The following EIF2AK4 variants were observed in gnomAD, a reference collection of about 807,000 sequenced individuals.
EIF2AK4 encodes the protein eIF-2-alpha kinase GCN2.
A neutral mutation model predicts 211.1 loss-of-function variants in EIF2AK4; 139 were observed. The observed-to-expected ratio is 0.66, with a 90% CI of 0.57 to 0.76. The LOEUF (loss-of-function observed/expected upper bound fraction) is 0.76. EIF2AK4 is among the 30% of genes least tolerant of loss of function. The probability of loss-of-function intolerance (pLI) is 0.00; values close to 1 mark genes in which losing one functional copy is unlikely to be tolerated. For missense variants in EIF2AK4, 1,664 were observed against 2,043.8 expected, an observed-to-expected ratio of 0.81 and a Z score of 3.58; for synonymous variants, 710 against 751.3, an observed-to-expected ratio of 0.94 and a Z score of 0.90.
Position 40,034,515 on chromosome 15 carries a change from T to C in EIF2AK4, c.4892+71T>C, listed in dbSNP as rs951500068. 5.8e-6 allele frequency: 7 copies of C among 1,212,340 alleles called. No homozygotes were observed. The African/African-American group carries it at 6.0e-5, about 10-fold the overall frequency. The allele number at this position is 1,212,340 out of a possible 1,614,324, so 75.1% of individuals were successfully genotyped here. ...AGGGCGGGGGGTTTCAGAGTGACAT[T>C]ATTTTGTTGTCTTGTTGAGGTTTGA... On this transcript the variant is annotated intron_variant, in intron 38 of 38. Coordinates refer to ENST00000263791, the MANE Select transcript of EIF2AK4 (RefSeq NM_001013703.4).
intron 4 of EIF2AK4, among the ~76,000 whole-genome samples, chr15:39,953,262 T>C (rs1451527379): frequency 6.6e-6 from 1 of 152,250 alleles, no homozygotes; most frequent in Non-Finnish European, 1.5e-5. Context: ...CCTATAAGTT[T>C]GGGGTGTGTT....
intron 13 of EIF2AK4, among the ~76,000 whole-genome samples, chr15:39,983,453 T>C (rs1172260257): frequency 6.6e-6 from 1 of 152,216 alleles, no homozygotes. Flanking sequence ...TAGCCTTTTT[T>C]TTTTTTGAGA....
chr15:40,007,484 A>G (rs563278901), intron 24 of EIF2AK4, among the ~76,000 whole-genome samples: 4 of 152,328 alleles, frequency 2.6e-5, no homozygotes, highest in African/African-American at 9.6e-5. Flanking sequence ...AGCTGCTTGT[A>G]GAGAAGTGGA....
At position 39,970,287 on chromosome 15, in the gene EIF2AK4, C is replaced by A. The variant is rs544598710; in HGVS notation, c.1553+2408C>A. On this transcript the variant is annotated intron_variant, in intron 9 of 38. Transcript: ENST00000263791. ...AAGTGAGATCTTGGTGGCTATAAAT[C>A]TCTTAAAAATACTGTGCATTCTAGG... Among the ~76,000 whole-genome samples, 11 of 150,276 alleles carry A rather than the reference C, an allele frequency of 7.3e-5. No homozygotes were observed. The South Asian group carries it at 2.3e-3, about 32-fold the overall frequency.
chr15:39,947,112 T>G lies in EIF2AK4; in HGVS notation c.361-2004T>G, dbSNP rs1346728093. Among the ~76,000 whole-genome samples the G allele has an allele frequency of 3.3e-5, 5 of 152,340 alleles. No homozygotes were observed. The East Asian group carries it at 9.6e-4, about 29-fold the overall frequency. On this transcript the variant is annotated intron_variant, in intron 3 of 38. Coordinates refer to ENST00000263791, the MANE Select transcript of EIF2AK4 (RefSeq NM_001013703.4). Reference sequence around the variant, plus strand: ...CTGAGTCATCGTCATATAATGAGATTTGAATGGGTGTTAAACATGGGAAGG... The same window carrying G: ...CTGAGTCATCGTCATATAATGAGATGTGAATGGGTGTTAAACATGGGAAGG...
chr15:39,994,478 A>G (rs1464945522), intron 18 of EIF2AK4, among the ~76,000 whole-genome samples: 1 of 152,156 alleles, frequency 6.6e-6, no homozygotes, highest in Non-Finnish European at 1.5e-5. Context: ...TCCTGGTGGC[A>G]CACGTCTGTA....
At chr15:39,976,382 G>T in intron 11 of EIF2AK4, 32 bp from the exon 12 acceptor site, 2 of 1,557,824 alleles carry the variant, frequency 1.3e-6, no homozygotes, top group South Asian at 1.2e-5. Context: ...GCAAGGCTCC[G>T]AGCGGCTGAC....
intron 38 of EIF2AK4, among the ~76,000 whole-genome samples, chr15:40,034,758 CCAATCAAT>C (rs1001888740): frequency 2.0e-5 from 3 of 152,070 alleles, no homozygotes; most frequent in East Asian, 3.9e-4. Context: ...TGTCATAATG[CCAATCAAT>C]CAATCAATCA....
chr15:40,004,511 C>T (rs1329401631), intron 23 of EIF2AK4, among the ~76,000 whole-genome samples: 2 of 151,660 alleles, frequency 1.3e-5, no homozygotes, highest in Non-Finnish European at 2.9e-5. Flanking sequence ...TAGTTCAAGA[C>T]CAGCCTGGGC....
Position 39,990,256 on chromosome 15 carries a change from T to G in EIF2AK4, c.2527-17T>G. ...GCATGGAAAACCATTGTTTGTTTCT[T>G]CACTCTCTTTCAACAGGGAATGATT... is the stretch of plus-strand genomic sequence containing the variant. On this transcript the variant is annotated splice_polypyrimidine_tract_variant and intron_variant, in intron 15 of 38. Coordinates refer to ENST00000263791, the MANE Select transcript of EIF2AK4 (RefSeq NM_001013703.4). 1 of 1,610,740 alleles carries G rather than the reference T, an allele frequency of 6.2e-7. No homozygotes were observed. The highest frequency in any genetic ancestry group is 8.5e-7 in the Non-Finnish European group (1 of 1,177,266).
At chr15:39,999,810 T>G (rs533204596) in intron 20 of EIF2AK4, among the ~76,000 whole-genome samples, 1 of 152,324 alleles carries the variant, frequency 6.6e-6, no homozygotes, top group African/African-American at 2.4e-5. Context: ...AAACATTCAT[T>G]TCATAGCCTT....
chr15:40,022,198 GTGTGTGTGTGTGTGTGTA>G (rs1168100621), intron 31 of EIF2AK4: 5 of 211,646 alleles, frequency 2.4e-5, no homozygotes, highest in Non-Finnish European at 3.7e-5. Flanking sequence ...GTGTGTGTGT[GTGTGTGTGTGTGTGTGTA>G]TGTTGTGTTG....
intron 11 of EIF2AK4, among the ~76,000 whole-genome samples, chr15:39,976,039 AATCATCTGAAACTTTAC>A (rs2034688138): frequency 6.6e-6 from 1 of 152,250 alleles, no homozygotes; most frequent in Non-Finnish European, 1.5e-5. Context: ...GAGAAACTAA[AATCATCTGAAACTTTAC>A]ACTGACTTTA....
intron 13 of EIF2AK4, among the ~76,000 whole-genome samples, chr15:39,984,963 AT>A (rs1249002369): frequency 6.6e-6 from 1 of 152,222 alleles, no homozygotes; most frequent in Non-Finnish European, 1.5e-5. Context: ...GCTTTTGCCC[AT>A]TCCATATGAT....
chr15:40,031,856 G>C (rs2035548403), intron 35 of EIF2AK4, among the ~76,000 whole-genome samples: 1 of 152,016 alleles, frequency 6.6e-6, no homozygotes, highest in Non-Finnish European at 1.5e-5. Flanking sequence ...CTCCCGAATA[G>C]CTAGTATTAT....
intron 3 of EIF2AK4, among the ~76,000 whole-genome samples, chr15:39,943,950 C>G (rs1430459181): frequency 2.0e-5 from 3 of 149,534 alleles, no homozygotes; most frequent in African/African-American, 7.6e-5. Context: ...GCAAGACCCT[C>G]TCTCTTAAAA....
At chr15:40,034,495 G>A (rs748150528) in intron 38 of EIF2AK4, 51 bp downstream of exon 38, 12 of 1,415,708 alleles carry the variant, frequency 8.5e-6, no homozygotes, top group Admixed American at 5.2e-5. Flanking sequence ...AATTCAGGGC[G>A]GGGGGTTTCA....
At chr15:40,029,316 T>G in intron 33 of EIF2AK4, 90 bp from the exon 34 acceptor site, 1 of 1,432,880 alleles carries the variant, frequency 7.0e-7, no homozygotes, top group Non-Finnish European at 9.2e-7. Context: ...AATGGAAAAG[T>G]GGCTCACTAT....
At chr15:39,962,157 G>A (rs979721458) in intron 7 of EIF2AK4, among the ~76,000 whole-genome samples, 1 of 152,194 alleles carries the variant, frequency 6.6e-6, no homozygotes, top group Admixed American at 6.5e-5. Context: ...ACTTTGGGGG[G>A]CCGAGGTGGA....
Sources: gnomAD v4.1 joint callset for allele counts (sites outside exome capture counted in the v4.1 genomes callset) on GRCh38, gnomAD v4.1.1 for gene constraint, MANE v1.5 for transcripts, NCBI Gene and HGNC (gene_info 2026-07-23, HGNC 2026-07-21) for gene names.